The following SRP54 variants were observed in gnomAD, a reference collection of about 807,000 sequenced individuals.
The protein encoded by SRP54 is signal recognition particle 54.
A neutral mutation model predicts 64.8 loss-of-function variants in SRP54; 10 were observed. The observed-to-expected ratio is 0.15, with a 90% CI of 0.10 to 0.26. The LOEUF is 0.26. SRP54 is among the 10% of genes least tolerant of loss of function. The pLI, the probability that SRP54 is intolerant of heterozygous loss-of-function variation, is 1.00. For synonymous variants in SRP54, 193 were observed against 185.6 expected (o/e 1.04, Z -0.32); for missense variants, 325 against 613.7 (o/e 0.53, Z 4.97).
At chr14:34,999,012 TGG>T (rs61361288) in intron 2 of SRP54, among the ~76,000 whole-genome samples, 955 of 49,566 alleles carry the variant, frequency 0.019, 34 homozygotes, top group South Asian at 0.024. Context: ...TGTGTGTGTG[TGG>T]TTTTTTTTTT....
intron 1 of SRP54, among the ~76,000 whole-genome samples, chr14:34,990,002 C>T (rs1232411845): frequency 1.3e-5 from 2 of 152,156 alleles, no homozygotes; most frequent in Non-Finnish European, 2.9e-5. Flanking sequence ...GAATCTAAGT[C>T]TGTCAGACTC....
chr14:35,024,698 C>T (rs568351384), intron 14 of SRP54, among the ~76,000 whole-genome samples: 3 of 150,304 alleles, frequency 2.0e-5, no homozygotes, highest in Non-Finnish European at 3.0e-5. Context: ...ATCAAGTTAA[C>T]CTTCTCCATG....
Position 35,016,840 on chromosome 14 carries a change from C to CTTTT in SRP54, c.974-1851_974-1848dup, listed in dbSNP as rs145307640. 1.8e-3 allele frequency among the ~76,000 whole-genome samples: 127 copies of CTTTT among 71,482 alleles called. 3 individuals carry two copies. Among genetic ancestry groups the CTTTT allele is most frequent in the Non-Finnish European group, 2.4e-3 (81 of 33,146 alleles). 46.9% of individuals were successfully genotyped at this position (71,482 alleles called of 152,430 possible). On this transcript the variant is annotated intron_variant, in intron 11 of 15. Coordinates refer to ENST00000216774, the MANE Select transcript of SRP54 (RefSeq NM_003136.4). Reference sequence around the variant, plus strand: ...GCCTGTCTCTTTGCCCCTTTTTTTTCTTTTCTTTTTTTTTTTTTTTCTTCT... The same window carrying CTTTT: ...GCCTGTCTCTTTGCCCCTTTTTTTTCTTTTTTTTCTTTTTTTTTTTTTTTCTTCT...
At chr14:35,006,465 G>C (rs1188429134) in intron 4 of SRP54, among the ~76,000 whole-genome samples, 1 of 152,068 alleles carries the variant, frequency 6.6e-6, no homozygotes, top group East Asian at 1.9e-4. Context: ...ATACACACCA[G>C]GTTTTCAGAC....
chr14:34,992,777 C>T (rs2044001334), intron 1 of SRP54, among the ~76,000 whole-genome samples: 1 of 152,110 alleles, frequency 6.6e-6, no homozygotes, highest in Non-Finnish European at 1.5e-5. Flanking sequence ...CATGTACCCT[C>T]TGAATCTAAA....
chr14:35,025,367 T>C (rs1408844749), intron 14 of SRP54, among the ~76,000 whole-genome samples: 1 of 152,256 alleles, frequency 6.6e-6, no homozygotes, highest in Non-Finnish European at 1.5e-5. Context: ...TTCCTTGCGA[T>C]ATCCTATTTT....
Position 35,023,026 on chromosome 14 carries a change from A to G in SRP54, c.1273A>G (p.Thr425Ala), listed in dbSNP as rs2139024137. The change falls in exon 14 of 16, where the codon ACC becomes GCC. Residue 425 changes from threonine to alanine, a missense_variant. Physicochemically the swap from Thr to Ala is moderately conservative, Grantham distance 58. Around this residue, in one of 3 missense-constraint regions of SRP54, gnomAD observed 146 missense variants for 337.4 expected, o/e 0.43. Coordinates refer to ENST00000216774, the MANE Select transcript of SRP54 (RefSeq NM_003136.4). ...TGTTCAAGAACTTTTGACACAATAT[A>G]CCAAGTTTGCACAGATGGTAAAAAA... ...RDVQELLTQY[T>A]KFAQMVKKMG... is the part of the protein sequence containing the mutation. 6.2e-7 allele frequency: 1 copy of G among 1,613,944 alleles called. No individual in the cohort carries two copies. Among genetic ancestry groups the G allele is most frequent in the Non-Finnish European group, 8.5e-7 (1 of 1,179,936 alleles).
chr14:34,984,535 T>C (rs941144772), intron 1 of SRP54, among the ~76,000 whole-genome samples: 5 of 152,196 alleles, frequency 3.3e-5, no homozygotes. Flanking sequence ...CCTTATTTGC[T>C]CTGTCGCCCA....
intron 5 of SRP54, among the ~76,000 whole-genome samples, chr14:35,008,263 A>C (rs1052166352): frequency 6.6e-6 from 1 of 152,216 alleles, no homozygotes; most frequent in Non-Finnish European, 1.5e-5. Flanking sequence ...ATGTCTCAAC[A>C]ATATTACAAG....
At chr14:35,007,192 T>C in intron 4 of SRP54, 91 bp from the exon 5 acceptor site, 2 of 777,190 alleles carry the variant, frequency 2.6e-6, no homozygotes, top group Non-Finnish European at 4.0e-6. Flanking sequence ...TGACCCTGTC[T>C]CAAAAAAGGA....
chr14:34,998,096 C>A (rs2044098685), intron 2 of SRP54, among the ~76,000 whole-genome samples: 1 of 151,964 alleles, frequency 6.6e-6, no homozygotes, highest in Non-Finnish European at 1.5e-5. Flanking sequence ...TTTTAGCAGA[C>A]CCGTTTAATG....
intron 3 of SRP54, among the ~76,000 whole-genome samples, chr14:35,000,208 A>G (rs1482875007): frequency 6.6e-6 from 1 of 152,210 alleles, no homozygotes; most frequent in African/African-American, 2.4e-5. Flanking sequence ...ACCATGCTTT[A>G]GACATCTCTC....
intron 5 of SRP54, among the ~76,000 whole-genome samples, chr14:35,008,423 T>C (rs2044301348): frequency 1.3e-5 from 2 of 152,220 alleles, no homozygotes; most frequent in Admixed American, 1.3e-4. Flanking sequence ...GATCATTTTA[T>C]ATTTGAATGC....
chr14:35,019,325 T>A (rs549185111), intron 13 of SRP54: 1 of 295,100 alleles, frequency 3.4e-6, no homozygotes, highest in East Asian at 6.9e-5. Flanking sequence ...TTCTTCATGA[T>A]GTTCATAGAG....
At chr14:34,995,134 GGTGTGTGT>G (rs35829734) in intron 1 of SRP54, among the ~76,000 whole-genome samples, 2,439 of 70,232 alleles carry the variant, frequency 0.035, 74 homozygotes, top group African/African-American at 0.062. Flanking sequence ...ATCAATAAAG[GGTGTGTGT>G]GTGTGTGTGT....
At chr14:34,987,283 A>G (rs1467925296) in intron 1 of SRP54, among the ~76,000 whole-genome samples, 22 of 123,954 alleles carry the variant, frequency 1.8e-4, no homozygotes, top group African/African-American at 5.7e-4. Context: ...GTGTATATAT[A>G]TATACACACA....
At chr14:34,983,657 GCT>G (rs1315518694) in intron 1 of SRP54, among the ~76,000 whole-genome samples, 2 of 152,172 alleles carry the variant, frequency 1.3e-5, no homozygotes, top group African/African-American at 4.8e-5. Flanking sequence ...TAGACTGATA[GCT>G]CTCTCTGTAC....
intron 13 of SRP54, among the ~76,000 whole-genome samples, chr14:35,020,804 A>G (rs900822487): frequency 6.6e-6 from 1 of 152,224 alleles, no homozygotes; most frequent in African/African-American, 2.4e-5. Context: ...TATCATCATA[A>G]CAACTCCTAT....
chr14:34,986,589 A>C (rs2043898715), intron 1 of SRP54, among the ~76,000 whole-genome samples: 1 of 152,170 alleles, frequency 6.6e-6, no homozygotes, highest in African/African-American at 2.4e-5. Flanking sequence ...GATATAAGAA[A>C]ATAAAAATTG....
Sources: gnomAD v4.1 joint callset for allele counts (sites outside exome capture counted in the v4.1 genomes callset) on GRCh38, gnomAD v4.1.1 for gene constraint, gnomAD v4.1.1 regional missense constraint, MANE v1.5 for transcripts, NCBI Gene and HGNC (gene_info 2026-07-23, HGNC 2026-07-21) for gene names.